The following SUCLA2 variants were observed in gnomAD, a reference collection of about 807,000 sequenced individuals.
The protein encoded by SUCLA2 is succinate-CoA ligase ADP-forming subunit beta.
In SUCLA2, 30 loss-of-function variants were observed where a neutral mutation model predicts 54.8. The ratio of observed to expected loss-of-function variants is 0.55; its 90% confidence interval spans 0.41 to 0.74. The LOEUF (loss-of-function observed/expected upper bound fraction) is 0.74, where lower values mean the gene tolerates loss of function less well. Among genes scored for constraint, SUCLA2 ranks in the 30% least tolerant of loss-of-function variants. The pLI is 0.00. For missense variants in SUCLA2, 476 were observed against 562.9 expected (o/e 0.85, Z 1.56); for synonymous variants, 172 against 188.9 (o/e 0.91, Z 0.74).
chr13:47,979,895 C>A (rs566965330), intron 4 of SUCLA2, among the ~76,000 whole-genome samples: 5 of 151,592 alleles, frequency 3.3e-5, no homozygotes, highest in South Asian at 2.1e-4. Flanking sequence ...TGCACACACA[C>A]AAAAAAAACT....
At chr13:47,956,389 G>A (rs1393567174) in intron 6 of SUCLA2, among the ~76,000 whole-genome samples, 1 of 152,066 alleles carries the variant, frequency 6.6e-6, no homozygotes, top group Non-Finnish European at 1.5e-5. Context: ...AAAAGAAACT[G>A]CACCTCAGTG....
intron 7 of SUCLA2, 28 bp from the exon 8 acceptor site, chr13:47,954,310 G>A (rs2137694332): frequency 6.2e-7 from 1 of 1,613,722 alleles, no homozygotes; most frequent in Non-Finnish European, 8.5e-7. Flanking sequence ...ATTTGTATAA[G>A]CAACAAACAC....
intron 6 of SUCLA2, among the ~76,000 whole-genome samples, chr13:47,967,222 TG>T (rs948177629): frequency 1.2e-4 from 19 of 152,014 alleles, no homozygotes; most frequent in Admixed American, 2.0e-4. Flanking sequence ...TTTAAAAAGT[TG>T]GGGGAAGAGG....
chr13:47,966,524 T>TA (rs1386780546), intron 6 of SUCLA2, among the ~76,000 whole-genome samples: 32 of 57,888 alleles, frequency 5.5e-4, no homozygotes, highest in East Asian at 5.1e-3. Flanking sequence ...ATTGCCGTTT[T>TA]TAAAAAAAAA....
intron 10 of SUCLA2, among the ~76,000 whole-genome samples, chr13:47,948,512 C>T (rs1188825883): frequency 6.6e-6 from 1 of 152,074 alleles, no homozygotes; most frequent in Non-Finnish European, 1.5e-5. Flanking sequence ...CTCAACTTGG[C>T]CCTAACTTTT....
rs534083470 is a variant in SUCLA2, at chr13:47,977,513, A to G, written c.535-4121T>C. 1.4e-4 allele frequency among the ~76,000 whole-genome samples: 17 copies of G among 121,094 alleles called. No homozygotes were observed. The East Asian group carries it at 3.5e-3, about 25-fold the overall frequency. The allele number at this position is 121,094 out of a possible 152,430, so 79.4% of individuals were successfully genotyped here. A position where few individuals can be genotyped will look rare whatever the true frequency, so the allele number is the denominator to read the frequency against. The stretch of plus-strand genomic sequence containing the variant: ...TAATAGCTCTGAAAAAATAATGATG[A>G]AAAAAAAACTCAAAAAATACTAGCA... On this transcript the variant is annotated intron_variant, in intron 4 of 10. Coordinates refer to ENST00000646932, the MANE Select transcript of SUCLA2 (RefSeq NM_003850.3).
Position 47,988,616 on chromosome 13 carries a change from A to G in SUCLA2, c.459T>C (p.Asn153=), listed in dbSNP as rs375814221. Residue 153 remains asparagine, a synonymous_variant, in exon 4 of 11, where the codon AAT becomes AAC. Transcript: ENST00000646932. ...ATTTTCGCTCACAGACCAATACTTG[A>G]TTGCATATTCTGCCCTTTTCTCCCG... ...KQTGEKGRIC[N]QVLVCERKYP... is the part of the protein sequence containing the mutation. The G allele has an allele frequency of 4.6e-5, 75 of 1,613,960 alleles. No individual in the cohort carries two copies. Among genetic ancestry groups the G allele is most frequent in the Non-Finnish European group, 6.0e-5 (71 of 1,179,942 alleles).
At chr13:47,999,547 A>G (rs1052285407) in intron 1 of SUCLA2, among the ~76,000 whole-genome samples, 4 of 152,042 alleles carry the variant, frequency 2.6e-5, no homozygotes, top group Admixed American at 1.3e-4. Flanking sequence ...CTTTACTAAA[A>G]ATACAAAAAA....
intron 6 of SUCLA2, among the ~76,000 whole-genome samples, chr13:47,964,017 A>G (rs1217283229): frequency 1.3e-5 from 2 of 152,184 alleles, no homozygotes; most frequent in Non-Finnish European, 2.9e-5. Flanking sequence ...AAACCTTGCA[A>G]ATGTTTGTAG....
At chr13:47,983,113 A>G (rs931448144) in intron 4 of SUCLA2, among the ~76,000 whole-genome samples, 6 of 152,122 alleles carry the variant, frequency 3.9e-5, no homozygotes, top group African/African-American at 7.2e-5. Context: ...AACTCCTTTC[A>G]ATATAAAAAA....
intron 2 of SUCLA2, among the ~76,000 whole-genome samples, chr13:47,990,748 A>G (rs989408757): frequency 4.6e-5 from 7 of 152,204 alleles, no homozygotes; most frequent in African/African-American, 1.7e-4. Flanking sequence ...CGATGCATTT[A>G]TCAAGCAGAA....
At chr13:47,960,531 A>G (rs1949861867) in intron 6 of SUCLA2, among the ~76,000 whole-genome samples, 1 of 152,196 alleles carries the variant, frequency 6.6e-6, no homozygotes, top group African/African-American at 2.4e-5. Flanking sequence ...AGATAATTCA[A>G]TTCAATCAAT....
chr13:47,983,875 T>C (rs1950078413), intron 4 of SUCLA2, among the ~76,000 whole-genome samples: 1 of 151,474 alleles, frequency 6.6e-6, no homozygotes, highest in Non-Finnish European at 1.5e-5. Context: ...GGAGAAAAGT[T>C]AATATTAAAT....
At position 47,954,292 on chromosome 13, in the gene SUCLA2, G is replaced by C; in HGVS notation, c.965-10C>G. 6.2e-7 allele frequency: 1 copy of C among 1,613,556 alleles called. No homozygotes were observed. Among genetic ancestry groups the C allele is most frequent in the African/African-American group, 1.3e-5 (1 of 74,938 alleles). On this transcript the variant is annotated splice_polypyrimidine_tract_variant and intron_variant, in intron 7 of 10. Coordinates refer to ENST00000646932, the MANE Select transcript of SUCLA2 (RefSeq NM_003850.3). ...AAACCAGCACCATTTACTATATAGG[G>C]GAAAATGATTTGTATAAGCAACAAA...
At chr13:47,966,712 T>C (rs1949921708) in intron 6 of SUCLA2, among the ~76,000 whole-genome samples, 1 of 84,654 alleles carries the variant, frequency 1.2e-5, no homozygotes, top group Non-Finnish European at 3.1e-5. Context: ...AAGTATTTTC[T>C]TTAAATAAAA....
chr13:47,949,680 T>C, intron 8 of SUCLA2, 77 bp from the exon 9 acceptor site: 1 of 1,414,094 alleles, frequency 7.1e-7, no homozygotes, highest in Non-Finnish European at 9.9e-7. Context: ...CTAGTATATG[T>C]GCTTCATGAT....
chr13:47,947,738 A>G (rs1194883251), intron 10 of SUCLA2, among the ~76,000 whole-genome samples: 1 of 152,218 alleles, frequency 6.6e-6, no homozygotes, highest in East Asian at 1.9e-4. Flanking sequence ...TTTACAGGAA[A>G]TACACAAGGC....
chr13:47,999,139 G>A (rs1020840680), intron 1 of SUCLA2, among the ~76,000 whole-genome samples: 1 of 152,170 alleles, frequency 6.6e-6, no homozygotes, highest in Admixed American at 6.5e-5. Context: ...TAATTGGTTA[G>A]TTGGTCAGAG....
At chr13:47,970,998 T>C (rs902424399) in intron 5 of SUCLA2, among the ~76,000 whole-genome samples, 12 of 152,104 alleles carry the variant, frequency 7.9e-5, no homozygotes, top group Non-Finnish European at 1.3e-4. Flanking sequence ...ATCGCGCCAC[T>C]GCACTCCAGC....
Sources: gnomAD v4.1 joint callset for allele counts (sites outside exome capture counted in the v4.1 genomes callset) on GRCh38, gnomAD v4.1.1 for gene constraint, MANE v1.5 for transcripts, NCBI Gene and HGNC (gene_info 2026-07-23, HGNC 2026-07-21) for gene names.